HECW2: variants seen among roughly 807,000 people sequenced by gnomAD.
HECW2 encodes HECT, C2 and WW domain containing E3 ubiquitin protein ligase 2.
HECW2 carries 61 observed loss-of-function variants against 175.2 expected under a neutral mutation model. The observed-to-expected ratio is 0.35, with a 90% CI of 0.28 to 0.43. The LOEUF (loss-of-function observed/expected upper bound fraction) is 0.43, where lower values mean the gene tolerates loss of function less well. Ranked by LOEUF, HECW2 falls within the 20% of genes least tolerant of loss-of-function variation. The pLI is 1.00. For missense variants in HECW2, 1,524 were observed against 2,000.5 expected, an observed-to-expected ratio of 0.76 and a Z score of 4.54; for synonymous variants, 671 against 731.0, an observed-to-expected ratio of 0.92 and a Z score of 1.32.
At chr2:196,585,729 T>TG (rs912208935) in intron 1 of HECW2, among the ~76,000 whole-genome samples, 3 of 151,308 alleles carry the variant, frequency 2.0e-5, no homozygotes, top group African/African-American at 7.3e-5. Flanking sequence ...GAGGAAGGGG[T>TG]GGGGGCCTAT....
At chr2:196,562,034 A>C (rs1690019101) in intron 1 of HECW2, among the ~76,000 whole-genome samples, 1 of 152,244 alleles carries the variant, frequency 6.6e-6, no homozygotes, top group Non-Finnish European at 1.5e-5. Context: ...ACAACGCTTT[A>C]GACAGCATAT....
At chr2:196,361,198 G>T (rs995467025) in intron 2 of HECW2, among the ~76,000 whole-genome samples, 2 of 152,040 alleles carry the variant, frequency 1.3e-5, no homozygotes, top group Non-Finnish European at 2.9e-5. Context: ...AATTTTAGAG[G>T]TCTATAGAAA....
chr2:196,307,070 C>A (rs1691292924), intron 12 of HECW2, 60 bp downstream of exon 12: 1 of 1,178,454 alleles, frequency 8.5e-7, no homozygotes. Flanking sequence ...TGTTGGGAAT[C>A]CTTATTTGCT....
At chr2:196,589,690 A>G (rs1462293151) in intron 1 of HECW2, among the ~76,000 whole-genome samples, 1 of 152,220 alleles carries the variant, frequency 6.6e-6, no homozygotes, top group African/African-American at 2.4e-5. Flanking sequence ...GTAAATATCC[A>G]AGATCTGGAC....
At chr2:196,334,845 G>A (rs150412290) in intron 3 of HECW2, among the ~76,000 whole-genome samples, 115 of 152,286 alleles carry the variant, frequency 7.6e-4, no homozygotes, top group Middle Eastern at 6.8e-3. Context: ...TCACGTTCAT[G>A]TTGTTAGTGA....
chr2:196,223,772 G>C (rs540299166), intron 23 of HECW2, among the ~76,000 whole-genome samples: 11 of 152,294 alleles, frequency 7.2e-5, no homozygotes, highest in Middle Eastern at 3.4e-3. Context: ...TTAGAGGGTA[G>C]AGACCAATGA....
intron 17 of HECW2, 130 bp downstream of exon 17, chr2:196,271,063 A>G: frequency 3.1e-6 from 2 of 636,356 alleles, no homozygotes; most frequent in South Asian, 2.0e-5. Flanking sequence ...ATGACAAAAT[A>G]TTTGCATACA....
chr2:196,556,185 A>G (rs561822344), intron 1 of HECW2, among the ~76,000 whole-genome samples: 1 of 152,302 alleles, frequency 6.6e-6, no homozygotes, highest in South Asian at 2.1e-4. Context: ...ACAAATGAAA[A>G]TTCTGTATAT....
At chr2:196,392,834 C>T (rs1171385486) in intron 2 of HECW2, among the ~76,000 whole-genome samples, 1 of 152,128 alleles carries the variant, frequency 6.6e-6, no homozygotes, top group South Asian at 2.1e-4. Flanking sequence ...CAAAAAAGAG[C>T]CCACATTGCC....
At chr2:196,504,351 G>A (rs988665497) in intron 1 of HECW2, among the ~76,000 whole-genome samples, 1 of 150,500 alleles carries the variant, frequency 6.6e-6, no homozygotes, top group Non-Finnish European at 1.5e-5. Context: ...CTAACCACAG[G>A]TGCCGGGACC....
rs60520193 is a variant in HECW2, at chr2:196,233,295, T to C, written c.3765-5041A>G. On this transcript the variant is annotated intron_variant, in intron 21 of 28. Coordinates refer to ENST00000644978, the MANE Select transcript of HECW2 (RefSeq NM_001348768.2). Reference sequence around the variant, plus strand: ...AGCACAGATGTCTCCAGGGTGGCCATGTAGTCTGGAGCCCCAAGTGCTGAT... The same window carrying C: ...AGCACAGATGTCTCCAGGGTGGCCACGTAGTCTGGAGCCCCAAGTGCTGAT... Among the ~76,000 whole-genome samples the C allele has an allele frequency of 7.1e-3, 1,082 of 152,302 alleles. 13 individuals carry two copies. The highest frequency in any genetic ancestry group is 0.025 in the African/African-American group (1,019 of 41,574).
At chr2:196,578,941 A>G (rs1301755011) in intron 1 of HECW2, among the ~76,000 whole-genome samples, 6 of 150,498 alleles carry the variant, frequency 4.0e-5, no homozygotes, top group African/African-American at 1.5e-4. Flanking sequence ...TACACAGAGA[A>G]GATAAATATA....
chr2:196,358,430 C>T (rs1009668125), intron 2 of HECW2, among the ~76,000 whole-genome samples: 5 of 151,614 alleles, frequency 3.3e-5, no homozygotes, highest in South Asian at 2.1e-4. Flanking sequence ...AAAAAATTAG[C>T]TGGGCATGGT....
chr2:196,346,946 T>C (rs1352044246), intron 2 of HECW2, among the ~76,000 whole-genome samples: 4 of 146,612 alleles, frequency 2.7e-5, no homozygotes, highest in Non-Finnish European at 6.0e-5. Flanking sequence ...AGGTGGAGTT[T>C]GCAGTGAGCC....
intron 1 of HECW2, among the ~76,000 whole-genome samples, chr2:196,444,357 A>G (rs542190309): frequency 6.6e-6 from 1 of 152,350 alleles, no homozygotes; most frequent in African/African-American, 2.4e-5. Context: ...GCTTCCAGAA[A>G]AGACCAACTG....
At chr2:196,495,011 C>T (rs182012656) in intron 1 of HECW2, among the ~76,000 whole-genome samples, 2 of 152,120 alleles carry the variant, frequency 1.3e-5, no homozygotes, top group South Asian at 2.1e-4. Flanking sequence ...TCAGGAATGG[C>T]GTGATACCAG....
chr2:196,309,579 G>A (rs1386127506), intron 10 of HECW2, among the ~76,000 whole-genome samples: 1 of 148,330 alleles, frequency 6.7e-6, no homozygotes, highest in Non-Finnish European at 1.5e-5. Context: ...TCTGCTCCTT[G>A]CATGCTTTTC....
At chr2:196,220,754 A>G (rs1370434125) in intron 25 of HECW2, 41 bp downstream of exon 25, 4 of 1,601,222 alleles carry the variant, frequency 2.5e-6, no homozygotes, top group African/African-American at 1.3e-5. Flanking sequence ...GGCATCATTG[A>G]TATCAGACTG....
chr2:196,282,277 T>A (rs1374990917), intron 14 of HECW2, among the ~76,000 whole-genome samples: 1 of 152,162 alleles, frequency 6.6e-6, no homozygotes, highest in Non-Finnish European at 1.5e-5. Context: ...CATCCTACCC[T>A]CTGAAACACA....
Sources: allele counts gnomAD v4.1 joint callset (sites outside exome capture counted in the v4.1 genomes callset), GRCh38; gene constraint gnomAD v4.1.1; transcripts MANE v1.5; gene names NCBI Gene and HGNC (gene_info 2026-07-23, HGNC 2026-07-21).